The following SYNE2 variants were observed in gnomAD, a reference collection of about 807,000 sequenced individuals.
SYNE2 encodes the protein spectrin repeat containing nuclear envelope protein 2, also known as nesprin-2.
In SYNE2, 431 loss-of-function variants were observed where a neutral mutation model predicts 856.3. That is an observed-to-expected ratio of 0.50 (90% CI 0.47 to 0.55). The LOEUF (loss-of-function observed/expected upper bound fraction) is 0.55. Among genes scored for constraint, SYNE2 ranks in the 20% least tolerant of loss-of-function variants. The pLI, the probability that SYNE2 is intolerant of heterozygous loss-of-function variation, is 0.00. For synonymous variants in SYNE2, 2,923 were observed against 2,872.3 expected (o/e 1.02, Z -0.56); for missense variants, 8,129 against 8,023.2 (o/e 1.01, Z -0.50).
At chr14:63,970,489 T>C (rs1344691432) in intron 11 of SYNE2, among the ~76,000 whole-genome samples, 1 of 152,164 alleles carries the variant, frequency 6.6e-6, no homozygotes, top group African/African-American at 2.4e-5. Flanking sequence ...TGAACCACTG[T>C]GCCTAGCCTA....
rs1034302819 is a variant in SYNE2 at position 64,186,566 on chromosome 14, A to T, written c.17699A>T (p.Asp5900Val). The change falls in exon 97 of 116, where the codon GAC becomes GTC. Residue 5900 changes from aspartate to valine, a missense_variant. By Grantham distance (152) the Asp-to-Val change is radical (BLOSUM62 -3). Coordinates refer to ENST00000555002, the MANE Select transcript of SYNE2 (RefSeq NM_182914.3). ...GAGCATTTGCACAGACAATGGGAGG[A>T]CCTCTGCTTAAGGGTAAGTCAGCTC... ...QIEHLHRQWE[D>V]LCLRVAIRKQ... 6.2e-7 allele frequency: 1 copy of T among 1,613,980 alleles called. No individual in the cohort carries two copies. Among genetic ancestry groups the T allele is most frequent in the African/African-American group, 1.3e-5 (1 of 74,910 alleles).
At chr14:63,914,793 T>C (rs61313576) in intron 2 of SYNE2, among the ~76,000 whole-genome samples, 80,471 of 152,018 alleles carry the variant, frequency 0.53, 22,466 homozygotes, top group Non-Finnish European at 0.61. Context: ...TTGTTTTGTT[T>C]TGAAACAGAA....
At chr14:64,203,970 G>A (rs2098593224) in intron 100 of SYNE2, among the ~76,000 whole-genome samples, 1 of 152,144 alleles carries the variant, frequency 6.6e-6, no homozygotes, top group Non-Finnish European at 1.5e-5. Flanking sequence ...TCCCACCCCA[G>A]CCTCCTGAGT....
chr14:64,062,247 G>T (rs971626930), intron 49 of SYNE2, among the ~76,000 whole-genome samples: 9 of 152,002 alleles, frequency 5.9e-5, no homozygotes, highest in Admixed American at 2.0e-4. Flanking sequence ...TCATACCTTT[G>T]TTAGATAAGG....
chr14:63,822,765 A>C (rs1039106670), intron 1 of SYNE2, among the ~76,000 whole-genome samples: 15 of 152,198 alleles, frequency 9.9e-5, no homozygotes, highest in Non-Finnish European at 2.1e-4. Flanking sequence ...ACACGCACAG[A>C]GCAGTGCTTA....
chr14:64,107,987 A>T (rs2097782082), intron 65 of SYNE2, among the ~76,000 whole-genome samples: 1 of 152,198 alleles, frequency 6.6e-6, no homozygotes, highest in Non-Finnish European at 1.5e-5. Context: ...TAACCCTCAG[A>T]CTGTATAAGG....
intron 1 of SYNE2, among the ~76,000 whole-genome samples, chr14:63,899,789 A>G (rs1418741012): frequency 6.6e-6 from 1 of 152,242 alleles, no homozygotes; most frequent in Non-Finnish European, 1.5e-5. Flanking sequence ...GGCGTGAGCC[A>G]CTGTGCCTGA....
intron 2 of SYNE2, among the ~76,000 whole-genome samples, chr14:63,913,718 T>C (rs1439546505): frequency 6.6e-6 from 1 of 152,026 alleles, no homozygotes; most frequent in Non-Finnish European, 1.5e-5. Flanking sequence ...CTGCCTTGGC[T>C]CCCAAAGTGC....
chr14:64,035,515 ATTTTTTTT>A (rs35030710), intron 45 of SYNE2, among the ~76,000 whole-genome samples: 6 of 121,714 alleles, frequency 4.9e-5, no homozygotes, highest in Admixed American at 8.8e-5. Flanking sequence ...TACATGGTAC[ATTTTTTTT>A]TTTTTTTTTT....
chr14:64,039,982 T>C (rs930984600), intron 45 of SYNE2, among the ~76,000 whole-genome samples: 8 of 152,182 alleles, frequency 5.3e-5, no homozygotes, highest in African/African-American at 1.9e-4. Context: ...TAAGAGGTCT[T>C]GCATGAGAAA....
Position 63,976,059 on chromosome 14 carries a change from C to T in SYNE2, c.1129-504C>T, listed in dbSNP as rs2096540273. On this transcript the variant is annotated intron_variant, in intron 11 of 115. Coordinates refer to ENST00000555002, the MANE Select transcript of SYNE2 (RefSeq NM_182914.3). The stretch of plus-strand genomic sequence containing the variant: ...GGAGGCTGAAGAAGGAGGAGATGTA[C>T]TTGGATTTGGGGATGGGTGGTGCTT... Among the ~76,000 whole-genome samples, 10 of 152,058 alleles carry T rather than the reference C, an allele frequency of 6.6e-5. No individual in the cohort carries two copies. The South Asian group carries it at 2.1e-3, about 32-fold the overall frequency.
At chr14:63,900,528 G>A (rs752897555) in intron 1 of SYNE2, among the ~76,000 whole-genome samples, 9 of 152,044 alleles carry the variant, frequency 5.9e-5, no homozygotes, top group East Asian at 1.9e-4. Context: ...AAGACCCACC[G>A]CCATAATTCA....
intron 98 of SYNE2, among the ~76,000 whole-genome samples, chr14:64,189,223 A>G (rs574720406): frequency 9.9e-5 from 15 of 152,170 alleles, no homozygotes; most frequent in Non-Finnish European, 1.9e-4. Flanking sequence ...AATCCCAGCT[A>G]CTTGGGAGGC....
In SYNE2 at chr14:64,025,301, G is replaced by A. The variant is rs1212054050; in HGVS notation, c.6132G>A (p.Gln2044=). The A allele has an allele frequency of 1.2e-6, 2 of 1,613,998 alleles. No homozygotes were observed. Among genetic ancestry groups the A allele is most frequent in the African/African-American group, 2.7e-5 (2 of 74,932 alleles). Residue 2044 remains glutamine, a synonymous_variant, in exon 41 of 116, where the codon CAG becomes CAA. Transcript: ENST00000555002. ...EEDKLLPTED[Q]SFNDLAHDVI... is the part of the protein sequence containing the mutation. ...ATAAGTTACTACCCACAGAGGACCA[G>A]AGCTTTAATGATCTTGCACATGATG...
chr14:63,803,237 T>C (rs1417535105), intron 1 of SYNE2, among the ~76,000 whole-genome samples: 1 of 152,202 alleles, frequency 6.6e-6, no homozygotes, highest in Non-Finnish European at 1.5e-5. Context: ...CAGGTGGAGC[T>C]GCCTGCCAGT....
intron 100 of SYNE2, among the ~76,000 whole-genome samples, chr14:64,206,571 T>C (rs923680684): frequency 6.6e-6 from 1 of 152,008 alleles, no homozygotes; most frequent in Non-Finnish European, 1.5e-5. Context: ...GGCTTTTTTT[T>C]TTTTAACCAA....
At chr14:64,211,456 A>G (rs1478419610) in intron 103 of SYNE2, among the ~76,000 whole-genome samples, 1 of 152,192 alleles carries the variant, frequency 6.6e-6, no homozygotes, top group East Asian at 1.9e-4. Flanking sequence ...CACATTCAGA[A>G]TTCTATCAGT....
chr14:64,078,585 G>A lies in SYNE2; in HGVS notation c.11142G>A (p.Glu3714=), dbSNP rs2097489857. The change falls in exon 55 of 116, where the codon GAG becomes GAA. Residue 3714 remains glutamate, a synonymous_variant. Coordinates refer to ENST00000555002, the MANE Select transcript of SYNE2 (RefSeq NM_182914.3). ...KMLQQKSKNI[E]KAQEIQKKMW... is the part of the protein sequence containing the mutation. ...TGCAGCAGAAAAGCAAAAATATTGA[G>A]AAAGCTCAAGAAATTCAAAAGGTAA... 1 of 1,614,048 alleles carries A rather than the reference G, an allele frequency of 6.2e-7. No homozygotes were observed. Among genetic ancestry groups the A allele is most frequent in the South Asian group, 1.1e-5 (1 of 91,064 alleles).
Position 64,122,337 on chromosome 14 carries a change from C to A in SYNE2, c.13332C>A (p.Pro4444=), listed in dbSNP as rs2097904313. ...ACGTTCCAGACTCGATCTTGTCACC[C>A]CAGGGCCAAAATGGAGATAAGTGGC... ...ENDVPDSILS[P]QGQNGDKWQY... is the part of the protein sequence containing the mutation. Residue 4444 remains proline (P), a synonymous_variant, in exon 70 of 116, where the codon CCC becomes CCA. Coordinates refer to ENST00000555002, the MANE Select transcript of SYNE2 (RefSeq NM_182914.3). 6.2e-7 allele frequency: 1 copy of A among 1,614,042 alleles called. No homozygotes were observed. The highest frequency in any genetic ancestry group is 1.3e-5 in the African/African-American group (1 of 74,900).
Sources: gnomAD v4.1 joint callset for allele counts (sites outside exome capture counted in the v4.1 genomes callset) on GRCh38, gnomAD v4.1.1 for gene constraint, MANE v1.5 for transcripts, NCBI Gene and HGNC (gene_info 2026-07-23, HGNC 2026-07-21) for gene names.